CLMN: variants seen among roughly 807,000 people sequenced by gnomAD.
CLMN encodes calmin.
Under a neutral mutation model 92.7 loss-of-function variants are expected in CLMN, and 57 were observed. That is an observed-to-expected ratio of 0.61 (90% CI 0.50 to 0.77). CLMN has a LOEUF of 0.77. CLMN is among the 30% of genes least tolerant of loss of function. CLMN has a pLI of 0.00. For synonymous variants in CLMN, 466 were observed against 470.6 expected (o/e 0.99, Z 0.13); for missense variants, 1,158 against 1,237.5 (o/e 0.94, Z 0.96).
chr14:95,190,763 T>C lies in CLMN; in HGVS notation c.*801A>G, dbSNP rs1896540992. 1 of 152,210 alleles carries C rather than the reference T, an allele frequency of 6.6e-6. No individual in the cohort carries two copies. The highest frequency in any genetic ancestry group is 1.5e-5 in the Non-Finnish European group (1 of 68,040). The allele number at this position is 152,210 out of a possible 1,614,324, so 9.4% of individuals were successfully genotyped here. On this transcript the variant is annotated 3_prime_UTR_variant, in exon 13 of 13. Transcript: ENST00000298912. ...CAGCTCCAGCACTGCTGGGAGCTGA[T>C]TCCAGCCCAGCCACTCCTCATGGCT... is the stretch of plus-strand genomic sequence containing the variant.
chr14:95,283,165 T>C (rs1900204473), intron 1 of CLMN, among the ~76,000 whole-genome samples: 1 of 152,238 alleles, frequency 6.6e-6, no homozygotes, highest in South Asian at 2.1e-4. Flanking sequence ...GTATTTCCCA[T>C]GCTATTCTTG....
intron 1 of CLMN, among the ~76,000 whole-genome samples, chr14:95,297,909 C>G (rs1900878750): frequency 6.6e-6 from 1 of 151,966 alleles, no homozygotes; most frequent in South Asian, 2.1e-4. Context: ...GATATGCTTC[C>G]ATTTCCCTTG....
intron 3 of CLMN, among the ~76,000 whole-genome samples, chr14:95,223,166 T>C (rs374071240): frequency 6.6e-6 from 1 of 152,208 alleles, no homozygotes; most frequent in East Asian, 1.9e-4. Flanking sequence ...TGTCCTGCAA[T>C]GCACAGGACA....
rs372212130 is a variant in CLMN, at chr14:95,284,098, C to T, written c.82+35613G>A. On this transcript the variant is annotated intron_variant, in intron 1 of 12. Transcript: ENST00000298912. The stretch of plus-strand genomic sequence containing the variant: ...GGGACTTGGTGCCCTGTGTCCCAGC[C>T]GCTCCAGTTGTGGTGGAAAGGGGCC... Among the ~76,000 whole-genome samples the T allele has an allele frequency of 1.1e-4, 17 of 152,132 alleles. No individual in the cohort carries two copies. In the East Asian group the frequency reaches 1.9e-3, roughly 17 times the overall value.
intron 4 of CLMN, among the ~76,000 whole-genome samples, chr14:95,218,663 G>A (rs763143728): frequency 2.0e-5 from 3 of 152,196 alleles, no homozygotes; most frequent in African/African-American, 4.8e-5. Context: ...CATCTGAAAC[G>A]CTCGTTTCCA....
At position 95,189,394 on chromosome 14, in the gene CLMN, T is replaced by C. The variant is rs1896511053; in HGVS notation, c.*2170A>G. ...TTACAAGCAATGGGGTGGTTTGTCC[T>C]GCAGACTTCCACATCCATTTTCTAT... On this transcript the variant is annotated 3_prime_UTR_variant, in exon 13 of 13. Transcript: ENST00000298912. 6.6e-6 allele frequency: 1 copy of C among 152,238 alleles called. No individual in the cohort carries two copies. The highest frequency in any genetic ancestry group is 1.5e-5 in the Non-Finnish European group (1 of 68,038). The allele number at this position is 152,238 out of a possible 1,614,324, so 9.4% of individuals were successfully genotyped here.
chr14:95,287,673 A>G (rs1566914721), intron 1 of CLMN, among the ~76,000 whole-genome samples: 1 of 152,216 alleles, frequency 6.6e-6, no homozygotes, highest in Non-Finnish European at 1.5e-5. Flanking sequence ...CACTTTGAGA[A>G]TGACAGCTTC....
chr14:95,261,424 T>C (rs1341729139), intron 1 of CLMN, among the ~76,000 whole-genome samples: 1 of 152,240 alleles, frequency 6.6e-6, no homozygotes, highest in East Asian at 1.9e-4. Flanking sequence ...ATTCTGTCTT[T>C]GTAAACTGGT....
chr14:95,283,982 T>TGGGA, intron 1 of CLMN, among the ~76,000 whole-genome samples: 1 of 152,302 alleles, frequency 6.6e-6, no homozygotes, highest in East Asian at 1.9e-4. Context: ...GAGACCTTCA[T>TGGGA]GGCAGCCCCT....
intron 1 of CLMN, among the ~76,000 whole-genome samples, chr14:95,274,200 T>A (rs145991777): frequency 9.8e-4 from 149 of 152,290 alleles, no homozygotes; most frequent in African/African-American, 3.3e-3. Context: ...CTCCTGAACG[T>A]GTTTAGCCGT....
At chr14:95,283,007 G>A (rs542027533) in intron 1 of CLMN, among the ~76,000 whole-genome samples, 22 of 152,360 alleles carry the variant, frequency 1.4e-4, no homozygotes, top group African/African-American at 4.3e-4. Flanking sequence ...AGATCTCAGG[G>A]CTTCAGCCCC....
chr14:95,209,018 G>A (rs1432597736), intron 8 of CLMN, among the ~76,000 whole-genome samples: 1 of 152,204 alleles, frequency 6.6e-6, no homozygotes, highest in East Asian at 1.9e-4. Flanking sequence ...AACTGCAAAA[G>A]TAATGATGTC....
chr14:95,312,705 T>C lies in CLMN; in HGVS notation c.82+7006A>G, dbSNP rs146971640. On this transcript the variant is annotated intron_variant, in intron 1 of 12. Coordinates refer to ENST00000298912, the MANE Select transcript of CLMN (RefSeq NM_024734.4). The stretch of plus-strand genomic sequence containing the variant: ...TTCCTTGTCCACAGATGTTGGGGCT[T>C]TCTTCTGGATAGAATCAGACGTGGG... 3.9e-3 allele frequency among the ~76,000 whole-genome samples: 592 copies of C among 152,280 alleles called. 1 individual carries two copies. Among genetic ancestry groups the C allele is most frequent in the African/African-American group, 0.014 (571 of 41,564 alleles).
At chr14:95,220,169 C>T (rs1323532405) in intron 4 of CLMN, among the ~76,000 whole-genome samples, 5 of 71,794 alleles carry the variant, frequency 7.0e-5, no homozygotes, top group East Asian at 3.9e-4. Context: ...GGATAGGTCC[C>T]TTTTTTTTTT....
At chr14:95,214,217 C>T (rs1013897155) in intron 5 of CLMN, among the ~76,000 whole-genome samples, 1 of 152,020 alleles carries the variant, frequency 6.6e-6, no homozygotes, top group African/African-American at 2.4e-5. Context: ...TAAATGAAGC[C>T]CTACGGTGGT....
chr14:95,221,600 C>A, intron 4 of CLMN, 91 bp downstream of exon 4: 1 of 1,127,944 alleles, frequency 8.9e-7, no homozygotes, highest in Non-Finnish European at 1.3e-6. Context: ...CCCCGTCTCA[C>A]GCTTCTCTTG....
intron 1 of CLMN, among the ~76,000 whole-genome samples, chr14:95,237,669 G>A (rs184445708): frequency 1.7e-4 from 26 of 152,296 alleles, no homozygotes; most frequent in African/African-American, 4.3e-4. Flanking sequence ...GAAGCCCAGC[G>A]TCTCACAGCC....
chr14:95,182,186 A>G lies in CLMN; in HGVS notation c.*9378T>C, dbSNP rs1896343353. ...TCTTTTTTTTTACAAAGCTACAGCT[A>G]TGTATATCCTAAATAGACAAAAATA... On this transcript the variant is annotated 3_prime_UTR_variant, in exon 13 of 13. Coordinates refer to ENST00000298912, the MANE Select transcript of CLMN (RefSeq NM_024734.4). The G allele has an allele frequency of 6.6e-6, 1 of 152,220 alleles. No homozygotes were observed. Among genetic ancestry groups the G allele is most frequent in the Admixed American group, 6.5e-5 (1 of 15,278 alleles). 9.4% of individuals were successfully genotyped at this position (152,220 alleles called of 1,614,324 possible).
intron 1 of CLMN, among the ~76,000 whole-genome samples, chr14:95,319,505 C>G (rs1246656578): frequency 6.6e-6 from 1 of 152,140 alleles, no homozygotes; most frequent in Admixed American, 6.5e-5. Context: ...CGCCCCACCC[C>G]CTGGGCAACT....
Sources: allele counts gnomAD v4.1 joint callset (sites outside exome capture counted in the v4.1 genomes callset), GRCh38; gene constraint gnomAD v4.1.1; transcripts MANE v1.5; gene names NCBI Gene and HGNC (gene_info 2026-07-23, HGNC 2026-07-21).